Variants in NPAS3 observed in about 807,000 individuals in gnomAD.
The protein encoded by NPAS3 is neuronal PAS domain protein 3, also known as neuronal PAS domain-containing protein 3.
Under a neutral mutation model 73.1 loss-of-function variants are expected in NPAS3, and 14 were observed. That is an observed-to-expected ratio of 0.19 (90% confidence interval 0.13 to 0.30). NPAS3 has a LOEUF of 0.30. NPAS3 is among the 10% of genes least tolerant of loss of function. The probability of loss-of-function intolerance (pLI) is 1.00; values close to 1 mark genes in which losing one functional copy is unlikely to be tolerated. For missense variants in NPAS3, 1,096 were observed against 1,250.0 expected (o/e 0.88, Z 1.86); for synonymous variants, 620 against 541.5 (o/e 1.14, Z -2.01).
At chr14:33,660,370 G>T (rs192293885) in intron 5 of NPAS3, among the ~76,000 whole-genome samples, 17 of 152,094 alleles carry the variant, frequency 1.1e-4, no homozygotes, top group African/African-American at 3.6e-4. Flanking sequence ...TATTCCTGAG[G>T]CTTCCTTGTT....
chr14:33,054,580 T>C (rs1202259561), intron 1 of NPAS3, among the ~76,000 whole-genome samples: 2 of 151,258 alleles, frequency 1.3e-5, no homozygotes, highest in East Asian at 3.9e-4. Flanking sequence ...ACTTAAAAAA[T>C]TAGAAACATA....
intron 2 of NPAS3, among the ~76,000 whole-genome samples, chr14:33,136,546 C>T (rs1439669163): frequency 6.6e-6 from 1 of 152,142 alleles, no homozygotes; most frequent in Non-Finnish European, 1.5e-5. Flanking sequence ...GGTAGGATCA[C>T]CATTTTACAA....
At chr14:33,131,087 C>G (rs2043618382) in intron 2 of NPAS3, among the ~76,000 whole-genome samples, 1 of 152,060 alleles carries the variant, frequency 6.6e-6, no homozygotes. Flanking sequence ...CCTTGTTGTC[C>G]TCTACTTGTC....
At chr14:33,737,235 G>A (rs1383556638) in intron 7 of NPAS3, among the ~76,000 whole-genome samples, 1 of 152,122 alleles carries the variant, frequency 6.6e-6, no homozygotes, top group African/African-American at 2.4e-5. Context: ...GATTATAAAA[G>A]GTCACGCTGA....
At chr14:33,666,672 ATGTGTTTTTCTTCTCTCTC>A (rs1423933906) in intron 5 of NPAS3, among the ~76,000 whole-genome samples, 18 of 152,102 alleles carry the variant, frequency 1.2e-4, no homozygotes, top group South Asian at 2.1e-4. Context: ...TTGACTTTGT[ATGTGTTTTTCTTCTCTCTC>A]CAAAGTGGAC....
chr14:33,639,204 A>T (rs574283171), intron 5 of NPAS3, among the ~76,000 whole-genome samples: 2 of 152,328 alleles, frequency 1.3e-5, no homozygotes, highest in Non-Finnish European at 2.9e-5. Flanking sequence ...CTCTGTAGCT[A>T]ATAGTATAAG....
intron 4 of NPAS3, among the ~76,000 whole-genome samples, chr14:33,526,900 T>C (rs1209002600): frequency 6.6e-6 from 1 of 152,108 alleles, no homozygotes; most frequent in African/African-American, 2.4e-5. Context: ...CTAATATTCA[T>C]TCATTTCTGT....
intron 5 of NPAS3, among the ~76,000 whole-genome samples, chr14:33,575,751 T>A (rs2056408263): frequency 6.6e-6 from 1 of 152,214 alleles, no homozygotes; most frequent in Non-Finnish European, 1.5e-5. Flanking sequence ...GATTATAAGA[T>A]AGAAAACTGT....
At chr14:33,723,855 CT>C (rs1223205449) in intron 6 of NPAS3, among the ~76,000 whole-genome samples, 6 of 152,188 alleles carry the variant, frequency 3.9e-5, no homozygotes, top group Non-Finnish European at 8.8e-5. Context: ...CTGTGTACCC[CT>C]CAGCTCAAGG....
At chr14:33,403,113 A>T (rs1334949425) in intron 4 of NPAS3, among the ~76,000 whole-genome samples, 1 of 152,100 alleles carries the variant, frequency 6.6e-6, no homozygotes, top group Non-Finnish European at 1.5e-5. Context: ...AACCTTCAAT[A>T]CCAGTTTTCA....
chr14:33,367,237 T>C, exon 4 of NPAS3: 1 of 868,168 alleles, frequency 1.2e-6, no homozygotes, highest in Non-Finnish European at 2.0e-6. Flanking sequence ...ATTGAAGTAT[T>C]TGAAGCACAT....
chr14:33,269,123 T>C (rs2040956631), intron 3 of NPAS3, among the ~76,000 whole-genome samples: 1 of 152,192 alleles, frequency 6.6e-6, no homozygotes, highest in Non-Finnish European at 1.5e-5. Flanking sequence ...TGACTTATTT[T>C]ATCTAAAATA....
rs2063668595 is a variant in NPAS3, at chr14:33,800,465, G to A, written c.2158G>A (p.Gly720Ser). ...TCCCGACTCGGTCCTCACCCCGCCC[G>A]GCGCCGACGGCGCGGCCGCCCGCAA... is the stretch of plus-strand genomic sequence containing the variant. Residue 720 changes from glycine (G) to serine (S), a missense_variant, in exon 12 of 12, where the codon GGC becomes AGC. Gly to Ser is a moderately conservative substitution (Grantham distance 56). Transcript: ENST00000356141. This position sits in a 1 kb window ranked among gnomAD's most constrained non-coding sequence, Gnocchi z 6.5. 2.0e-6 allele frequency: 3 copies of A among 1,495,730 alleles called. No homozygotes were observed. The highest frequency in any genetic ancestry group is 2.7e-6 in the Non-Finnish European group (3 of 1,128,798). The allele number at this position is 1,495,730 out of a possible 1,614,324, so 92.7% of individuals were successfully genotyped here.
chr14:33,092,589 A>G (rs1019234030), intron 2 of NPAS3, among the ~76,000 whole-genome samples: 6 of 152,264 alleles, frequency 3.9e-5, no homozygotes, highest in East Asian at 1.9e-4. Flanking sequence ...AGCTACCAAT[A>G]ACTTTCTTCA....
intron 2 of NPAS3, among the ~76,000 whole-genome samples, chr14:33,208,090 C>G (rs969171113): frequency 7.7e-6 from 1 of 130,190 alleles, no homozygotes; most frequent in Non-Finnish European, 1.6e-5. Flanking sequence ...AAAGAAATTA[C>G]TTGATAAAAC....
rs563778540 is a variant in NPAS3 at position 33,283,597 on chromosome 14, T to C, written c.385+68171T>C. ...AGAAAGGCATATTTCCTTGTCACTATCTATTCTTGTACAGGTGACTCTTCA... is the reference window on the plus strand; with the variant it reads ...AGAAAGGCATATTTCCTTGTCACTACCTATTCTTGTACAGGTGACTCTTCA... On this transcript the variant is annotated intron_variant, in intron 3 of 11. Coordinates refer to ENST00000356141, the Ensembl canonical transcript of NPAS3. Among the ~76,000 whole-genome samples, 47 of 152,332 alleles carry C rather than the reference T, an allele frequency of 3.1e-4. 2 individuals are homozygous for C. The highest frequency in any genetic ancestry group is 1.1e-3 in the African/African-American group (46 of 41,580).
chr14:32,942,884 C>T (rs1194464810), intron 1 of NPAS3, among the ~76,000 whole-genome samples: 1 of 152,150 alleles, frequency 6.6e-6, no homozygotes, highest in Non-Finnish European at 1.5e-5. Context: ...AATGGAAAAA[C>T]TGAAATAATG....
intron 4 of NPAS3, among the ~76,000 whole-genome samples, chr14:33,427,886 A>G (rs112832175): frequency 6.6e-6 from 1 of 152,228 alleles, no homozygotes; most frequent in African/African-American, 2.4e-5. Flanking sequence ...TAATGTTGGT[A>G]GTGGAGACCA....
chr14:33,697,160 G>T (rs568048987), intron 6 of NPAS3, among the ~76,000 whole-genome samples: 1 of 152,252 alleles, frequency 6.6e-6, no homozygotes, highest in South Asian at 2.1e-4. Context: ...AAAGATTCTT[G>T]TCACCAACCC....
Sources: allele counts gnomAD v4.1 joint callset (sites outside exome capture counted in the v4.1 genomes callset), GRCh38; gene constraint gnomAD v4.1.1; non-coding constraint Gnocchi (gnomAD v3.1); transcripts MANE v1.5; gene names NCBI Gene and HGNC (gene_info 2026-07-23, HGNC 2026-07-21).